HTR1F: variants seen among roughly 807,000 people sequenced by gnomAD.
The protein encoded by HTR1F is 5-hydroxytryptamine receptor 1F, also known as 5-hydroxytryptamine (serotonin) receptor 1F, G protein-coupled.
HTR1F carries 17 observed loss-of-function variants against 24.0 expected under a neutral mutation model. The observed-to-expected ratio is 0.71, with a 90% CI of 0.48 to 1.06. The LOEUF is 1.06. HTR1F is among the 50% of genes least tolerant of loss of function. The pLI is 0.00. For missense variants in HTR1F, 391 were observed against 427.8 expected (o/e 0.91, Z 0.76); for synonymous variants, 186 against 156.8 (o/e 1.19, Z -1.39).
chr3:87,802,797 G>A (rs1402648500), intron 1 of HTR1F, among the ~76,000 whole-genome samples: 1 of 152,170 alleles, frequency 6.6e-6, no homozygotes, highest in African/African-American at 2.4e-5. Flanking sequence ...TAGGTTAGTT[G>A]CATATTTTCA....
chr3:87,841,418 G>T (rs1426101006), intron 2 of HTR1F, among the ~76,000 whole-genome samples: 1 of 151,528 alleles, frequency 6.6e-6, no homozygotes, highest in African/African-American at 2.4e-5. Context: ...TTTTACTTAC[G>T]ATTGCATTAT....
intron 2 of HTR1F, among the ~76,000 whole-genome samples, chr3:87,828,952 T>C (rs1447892015): frequency 6.6e-6 from 1 of 152,036 alleles, no homozygotes; most frequent in Non-Finnish European, 1.5e-5. Flanking sequence ...TTCAGGTGCT[T>C]TTCATCAACA....
At chr3:87,823,989 G>A (rs1196449753) in intron 2 of HTR1F, among the ~76,000 whole-genome samples, 2 of 151,402 alleles carry the variant, frequency 1.3e-5, no homozygotes, top group Non-Finnish European at 2.9e-5. Context: ...CCCGGGAGGC[G>A]GAGTTTGCAG....
intron 2 of HTR1F, among the ~76,000 whole-genome samples, chr3:87,960,685 G>C (rs745322337): frequency 1.3e-5 from 2 of 151,882 alleles, no homozygotes; most frequent in Non-Finnish European, 2.9e-5. Context: ...CAAGTACCAT[G>C]GTAAGTGCAC....
At chr3:87,906,061 T>C (rs1703661112) in intron 2 of HTR1F, among the ~76,000 whole-genome samples, 1 of 152,100 alleles carries the variant, frequency 6.6e-6, no homozygotes, top group African/African-American at 2.4e-5. Flanking sequence ...TATACATTAT[T>C]GTGTTGTGCA....
intron 2 of HTR1F, among the ~76,000 whole-genome samples, chr3:87,977,720 C>G (rs1705429501): frequency 1.3e-5 from 2 of 151,992 alleles, no homozygotes; most frequent in East Asian, 1.9e-4. Context: ...TGCTCCCCAC[C>G]AAAGCTGAGT....
chr3:87,945,364 C>T (rs569473539), intron 2 of HTR1F, among the ~76,000 whole-genome samples: 1 of 152,102 alleles, frequency 6.6e-6, no homozygotes, highest in Admixed American at 6.5e-5. Flanking sequence ...AAAGTCTGAA[C>T]CATTAGTACC....
rs538333753 is a variant in HTR1F at position 87,946,921 on chromosome 3, A to G, written c.-42-43787A>G. 1.3e-4 allele frequency among the ~76,000 whole-genome samples: 20 copies of G among 152,288 alleles called. No individual in the cohort carries two copies. The East Asian group carries it at 1.5e-3, about 12-fold the overall frequency. On this transcript the variant is annotated intron_variant, in intron 2 of 2. Transcript: ENST00000319595. Reference sequence around the variant, plus strand: ...ATTACAGGCATGAGCCACCACGCCCAGCCCATATATATTATTAAATCAGAG... The same window carrying G: ...ATTACAGGCATGAGCCACCACGCCCGGCCCATATATATTATTAAATCAGAG...
chr3:87,919,926 T>A (rs1703975275), intron 2 of HTR1F, among the ~76,000 whole-genome samples: 1 of 151,864 alleles, frequency 6.6e-6, no homozygotes, highest in Middle Eastern at 3.2e-3. Context: ...CATGCATGTT[T>A]ATAGCAGCAC....
At chr3:87,912,088 T>A (rs908991478) in intron 2 of HTR1F, among the ~76,000 whole-genome samples, 1 of 151,478 alleles carries the variant, frequency 6.6e-6, no homozygotes, top group South Asian at 2.1e-4. Context: ...AGAGAAAGAA[T>A]AAAAGGCATC....
intron 2 of HTR1F, among the ~76,000 whole-genome samples, chr3:87,859,549 T>A (rs1705272329): frequency 6.6e-6 from 1 of 152,194 alleles, no homozygotes; most frequent in African/African-American, 2.4e-5. Flanking sequence ...ATATTACCTA[T>A]GTGTCCTTGG....
chr3:87,978,120 G>A (rs1705438655), intron 2 of HTR1F, among the ~76,000 whole-genome samples: 1 of 152,204 alleles, frequency 6.6e-6, no homozygotes, highest in African/African-American at 2.4e-5. Context: ...ATGCAAGCCT[G>A]CAGCTGGATT....
In HTR1F at chr3:87,919,915, A is replaced by G. The variant is rs544904948; in HGVS notation, c.-42-70793A>G. 2.0e-5 allele frequency among the ~76,000 whole-genome samples: 3 copies of G among 152,108 alleles called. No individual in the cohort carries two copies. In the South Asian group the frequency reaches 6.2e-4, roughly 32 times the overall value. On this transcript the variant is annotated intron_variant, in intron 2 of 2. Transcript: ENST00000319595. ...GTCATTACACGAAAAAAATACTCAT[A>G]CATGCATGTTTATAGCAGCACAATT...
intron 2 of HTR1F, among the ~76,000 whole-genome samples, chr3:87,890,931 T>A (rs1458957187): frequency 6.0e-5 from 9 of 149,432 alleles, no homozygotes; most frequent in Non-Finnish European, 1.3e-4. Context: ...AACCTGTGCC[T>A]CCCGGGTTCA....
intron 2 of HTR1F, among the ~76,000 whole-genome samples, chr3:87,911,593 C>T (rs1484265872): frequency 6.6e-6 from 1 of 151,918 alleles, no homozygotes; most frequent in Non-Finnish European, 1.5e-5. Context: ...CCAGCATTAT[C>T]CTAATACCAA....
chr3:87,818,270 G>C (rs1704287359), intron 1 of HTR1F, among the ~76,000 whole-genome samples: 1 of 152,126 alleles, frequency 6.6e-6, no homozygotes. Context: ...AGATACCAGA[G>C]AGTTTTAAAA....
At chr3:87,820,351 T>C (rs972270790) in intron 1 of HTR1F, among the ~76,000 whole-genome samples, 23 of 151,658 alleles carry the variant, frequency 1.5e-4, no homozygotes, top group Admixed American at 1.5e-3. Flanking sequence ...TAATTTTTTG[T>C]ATTTTTAGTA....
chr3:87,843,174 A>G (rs1704847073), intron 2 of HTR1F, among the ~76,000 whole-genome samples: 1 of 151,938 alleles, frequency 6.6e-6, no homozygotes, highest in African/African-American at 2.4e-5. Flanking sequence ...TCAGAAACAA[A>G]AATATTAATA....
intron 1 of HTR1F, among the ~76,000 whole-genome samples, chr3:87,793,940 T>G (rs913294125): frequency 6.7e-6 from 1 of 149,362 alleles, no homozygotes; most frequent in African/African-American, 2.5e-5. Flanking sequence ...TTATTACAAT[T>G]TGATTAAATT....
Sources: gnomAD v4.1 joint callset for allele counts (sites outside exome capture counted in the v4.1 genomes callset) on GRCh38, gnomAD v4.1.1 for gene constraint, MANE v1.5 for transcripts, NCBI Gene and HGNC (gene_info 2026-07-23, HGNC 2026-07-21) for gene names.